Variants in KATNAL2 observed in about 807,000 individuals in gnomAD.
The protein encoded by KATNAL2 is katanin catalytic subunit A1 like 2, also known as katanin p60 ATPase-containing subunit A-like 2.
In KATNAL2, 52 loss-of-function variants were observed where a neutral mutation model predicts 76.3. That is an observed-to-expected ratio of 0.68 (90% CI 0.55 to 0.86). The LOEUF (loss-of-function observed/expected upper bound fraction) is 0.86, where lower values mean the gene tolerates loss of function less well. Ranked by LOEUF, KATNAL2 falls within the 40% of genes least tolerant of loss-of-function variation. The pLI is 0.00. For synonymous variants in KATNAL2, 243 were observed against 244.2 expected, an observed-to-expected ratio of 1.00 and a Z score of 0.05; for missense variants, 660 against 668.9, an observed-to-expected ratio of 0.99 and a Z score of 0.15.
chr18:46,948,493 T>C (rs7227296), intron 3 of KATNAL2, among the ~76,000 whole-genome samples: 147,058 of 148,656 alleles, frequency 0.99, 72,743 homozygotes, highest in East Asian at 1. Flanking sequence ...GGTGTGATCT[T>C]GGCTCACCGC....
chr18:47,031,409 G>T (rs1012239080), intron 3 of KATNAL2, among the ~76,000 whole-genome samples: 4 of 151,584 alleles, frequency 2.6e-5, no homozygotes, highest in Admixed American at 2.0e-4. Context: ...CTTTTTTTGT[G>T]TCTCTCTGTC....
intron 3 of KATNAL2, among the ~76,000 whole-genome samples, chr18:46,955,408 G>C (rs2059714726): frequency 6.6e-6 from 1 of 150,456 alleles, no homozygotes; most frequent in South Asian, 2.1e-4. Context: ...TTTTTAAGTA[G>C]AGACGGGGTT....
intron 3 of KATNAL2, chr18:47,033,614 G>A: frequency 6.2e-7 from 1 of 1,614,170 alleles, no homozygotes; most frequent in Non-Finnish European, 8.5e-7. Flanking sequence ...ACCCAGTAGG[G>A]GACCTCTCCC....
intron 1 of KATNAL2, among the ~76,000 whole-genome samples, chr18:46,928,691 A>C (rs1320423180): frequency 6.6e-6 from 1 of 151,698 alleles, no homozygotes; most frequent in East Asian, 1.9e-4. Flanking sequence ...CTATTTGGCC[A>C]TCTTGGCTCC....
chr18:47,052,930 G>A lies in KATNAL2; in HGVS notation c.173G>A (p.Arg58Gln), dbSNP rs199680904. Reference protein sequence around the residue: ...ALEQETKLGLRRFEVCDNIDL... With the variant: ...ALEQETKLGLQRFEVCDNIDL... The stretch of plus-strand genomic sequence containing the variant: ...GAGCAAGAAACTAAACTGGGGTTAC[G>A]ACGGTTTGAAGTTTGTGACAACATT... The change falls in exon 5 of 18, where the codon CGA becomes CAA. Residue 58 changes from arginine (R) to glutamine (Q), a missense_variant. Physicochemically the swap from Arg to Gln is conservative, Grantham distance 43 (BLOSUM62 1). Coordinates refer to ENST00000683218, the MANE Select transcript of KATNAL2 (RefSeq NM_001387690.1). 2.4e-4 allele frequency: 395 copies of A among 1,612,334 alleles called. 2 individuals carry two copies. In the South Asian group the frequency reaches 4.0e-3, roughly 16 times the overall value.
chr18:47,060,321 T>C (rs1183046502), intron 8 of KATNAL2, among the ~76,000 whole-genome samples: 1 of 152,192 alleles, frequency 6.6e-6, no homozygotes, highest in Non-Finnish European at 1.5e-5. Flanking sequence ...CTCTGTCCTG[T>C]CAGTGGCATT....
chr18:46,920,398 G>A (rs1320947348), intron 1 of KATNAL2, among the ~76,000 whole-genome samples: 1 of 152,174 alleles, frequency 6.6e-6, no homozygotes, highest in Non-Finnish European at 1.5e-5. Context: ...TTTTGCTACA[G>A]TGAAGAGCCA....
At chr18:47,069,162 A>T in intron 11 of KATNAL2, 58 bp from the exon 12 acceptor site, 1 of 1,193,522 alleles carries the variant, frequency 8.4e-7, no homozygotes, top group Non-Finnish European at 1.2e-6. Flanking sequence ...GTCTGTGCTG[A>T]GAGTATGCAG....
rs1395242432 is a variant in KATNAL2 at position 47,046,471 on chromosome 18, A to G, written c.66A>G (p.Thr22=). ...CTCTGTTCCAGTGCGAGATGAGGAC[A>G]GAAGCACGACGAAAAAATCTTCTCA... The part of the protein sequence containing the change: ...HQAREACEMR[T]EARRKNLLIL... Residue 22 remains threonine (T), a synonymous_variant, in exon 4 of 18, where the codon ACA becomes ACG. Coordinates refer to ENST00000683218, the MANE Select transcript of KATNAL2 (RefSeq NM_001387690.1). 6.5e-7 allele frequency: 1 copy of G among 1,535,882 alleles called. No individual in the cohort carries two copies. Among genetic ancestry groups the G allele is most frequent in the Non-Finnish European group, 8.7e-7 (1 of 1,146,774 alleles).
chr18:46,928,196 T>G (rs1014005736), intron 1 of KATNAL2, among the ~76,000 whole-genome samples: 1 of 152,188 alleles, frequency 6.6e-6, no homozygotes, highest in Non-Finnish European at 1.5e-5. Flanking sequence ...CTACCCTGTT[T>G]TTTTCCCATC....
chr18:46,942,868 GGA>G (rs2059286467), intron 1 of KATNAL2, among the ~76,000 whole-genome samples: 2 of 151,298 alleles, frequency 1.3e-5, no homozygotes, highest in Non-Finnish European at 2.9e-5. Context: ...GTTGGATGTT[GGA>G]TATTGTGAAT....
At chr18:47,053,765 A>T (rs1366377611) in intron 5 of KATNAL2, among the ~76,000 whole-genome samples, 1 of 152,216 alleles carries the variant, frequency 6.6e-6, no homozygotes, top group African/African-American at 2.4e-5. Flanking sequence ...TCTCAGAGCT[A>T]GAAAAGGTCA....
intron 1 of KATNAL2, among the ~76,000 whole-genome samples, chr18:46,939,591 AC>A (rs2146614626): frequency 6.6e-6 from 1 of 152,236 alleles, no homozygotes; most frequent in South Asian, 2.1e-4. Flanking sequence ...GGCCCTGCAG[AC>A]CTATTCATAT....
At position 46,942,326 on chromosome 18, in the gene KATNAL2, T is replaced by G. The variant is rs181426395; in HGVS notation, c.-509-3731T>G. On this transcript the variant is annotated intron_variant, in intron 1 of 17. Coordinates refer to ENST00000683218, the MANE Select transcript of KATNAL2 (RefSeq NM_001387690.1). ...TCCAGTAAATTTTTAATTTCAGAAG[T>G]TCATTTTGGGTCAGGCATGGTGGCT... Among the ~76,000 whole-genome samples the G allele has an allele frequency of 2.4e-4, 37 of 152,268 alleles. 1 individual carries two copies. Among genetic ancestry groups the G allele is most frequent in the Non-Finnish European group, 5.3e-4 (36 of 68,024 alleles).
intron 10 of KATNAL2, among the ~76,000 whole-genome samples, chr18:47,065,703 G>A (rs982620816): frequency 2.0e-5 from 3 of 151,910 alleles, no homozygotes; most frequent in Non-Finnish European, 4.4e-5. Context: ...GTGAAAGTTG[G>A]CTGGGTGCAG....
chr18:47,031,305 A>G (rs1195911308), intron 3 of KATNAL2, among the ~76,000 whole-genome samples: 2 of 152,036 alleles, frequency 1.3e-5, no homozygotes, highest in African/African-American at 2.4e-5. Flanking sequence ...TTCAGTCCGA[A>G]TGAGGAAAAC....
chr18:46,934,819 T>A (rs924421946), intron 1 of KATNAL2, among the ~76,000 whole-genome samples: 18 of 152,214 alleles, frequency 1.2e-4, no homozygotes, highest in Non-Finnish European at 1.8e-4. Flanking sequence ...TTGAATTAAT[T>A]TTTGTATAAG....
At chr18:46,961,596 A>C (rs988097111) in intron 3 of KATNAL2, among the ~76,000 whole-genome samples, 1 of 152,220 alleles carries the variant, frequency 6.6e-6, no homozygotes, top group Non-Finnish European at 1.5e-5. Context: ...GACATTTTTC[A>C]AATACAGACA....
intron 1 of KATNAL2, among the ~76,000 whole-genome samples, chr18:46,938,724 A>G (rs749599292): frequency 6.6e-6 from 1 of 152,160 alleles, no homozygotes; most frequent in African/African-American, 2.4e-5. Context: ...AAATCTTTCA[A>G]TGGGTTTACA....
Sources: allele counts gnomAD v4.1 joint callset (sites outside exome capture counted in the v4.1 genomes callset), GRCh38; gene constraint gnomAD v4.1.1; transcripts MANE v1.5; gene names NCBI Gene and HGNC (gene_info 2026-07-23, HGNC 2026-07-21).